TRPM7: variants seen among roughly 807,000 people sequenced by gnomAD.
The protein encoded by TRPM7 is LTRPC ion channel family member 7.
A neutral mutation model predicts 229.7 loss-of-function variants in TRPM7; 134 were observed. The observed-to-expected ratio is 0.58, with a 90% CI of 0.51 to 0.67. TRPM7 has a LOEUF of 0.67. Among genes scored for constraint, TRPM7 ranks in the 30% least tolerant of loss-of-function variants. The pLI, the probability that TRPM7 is intolerant of heterozygous loss-of-function variation, is 0.00. For synonymous variants in TRPM7, 699 were observed against 715.2 expected (o/e 0.98, Z 0.36); for missense variants, 1,901 against 2,210.0 (o/e 0.86, Z 2.80).
Position 50,575,080 on chromosome 15 carries a change from G to A in TRPM7, c.4791C>T (p.Asn1597=), listed in dbSNP as rs200648262. Reference sequence around the variant, plus strand: ...CTAGTTGTGACCAAGAAGACATGCTGTTATTTAGTATGTTGGGTGAACTCT... The same window carrying A: ...CTAGTTGTGACCAAGAAGACATGCTATTATTTAGTATGTTGGGTGAACTCT... ...LEESSPNILN[N]SMSSWSQLGL... Residue 1597 remains asparagine, a synonymous_variant, in exon 34 of 39, where the codon AAC becomes AAT. Coordinates refer to ENST00000646667, the MANE Select transcript of TRPM7 (RefSeq NM_017672.6). The A allele has an allele frequency of 1.5e-5, 25 of 1,613,890 alleles. No individual in the cohort carries two copies. Among genetic ancestry groups the A allele is most frequent in the Admixed American group, 1.2e-4 (7 of 60,002 alleles).
chr15:50,676,301 A>C (rs1452931417), intron 1 of TRPM7, among the ~76,000 whole-genome samples: 1 of 152,216 alleles, frequency 6.6e-6, no homozygotes, highest in Non-Finnish European at 1.5e-5. Context: ...TGTGGAAATC[A>C]AATTTTTTTT....
chr15:50,586,633 G>T, intron 27 of TRPM7, 145 bp from the exon 28 acceptor site: 1 of 488,166 alleles, frequency 2.0e-6, no homozygotes. Context: ...TATAGATTAT[G>T]GTTATTTTCT....
At position 50,648,794 on chromosome 15, in the gene TRPM7, T is replaced by TAA; in HGVS notation, c.212_213dup (p.Asn72LeufsTer5). 1 of 1,613,434 alleles carries TAA rather than the reference T, an allele frequency of 6.2e-7. No individual in the cohort carries two copies. The highest frequency in any genetic ancestry group is 8.5e-7 in the Non-Finnish European group (1 of 1,179,604). ...ACAGACCATTCTTCTATTGCCTGAT[T>TAA]AAAATGGTCACCCAATTTCACATCT... On this transcript the variant is annotated frameshift_variant, in exon 4 of 39. Transcript: ENST00000646667. LOFTEE classifies it high-confidence loss of function.
chr15:50,570,201 T>C (rs1566936284), intron 36 of TRPM7, 46 bp from the exon 37 acceptor site: 3 of 1,333,520 alleles, frequency 2.2e-6, no homozygotes, highest in South Asian at 2.7e-5. Context: ...TATTATATAA[T>C]TGACATAAAT....
chr15:50,607,105 C>G lies in TRPM7; in HGVS notation c.2709+95G>C, dbSNP rs139124566. 439 of 1,103,476 alleles carry G rather than the reference C, an allele frequency of 4.0e-4. 1 individual carries two copies. The East Asian group carries it at 0.01, about 26-fold the overall frequency. The allele number at this position is 1,103,476 out of a possible 1,614,324, so 68.4% of individuals were successfully genotyped here. On this transcript the variant is annotated intron_variant, in intron 20 of 38. Transcript: ENST00000646667. Reference sequence around the variant, plus strand: ...CACTTCTACAATGTCATCATACACACACACACCCCCCTACGTATACACCCA... The same window carrying G: ...CACTTCTACAATGTCATCATACACAGACACACCCCCCTACGTATACACCCA...
At chr15:50,561,836 A>G (rs1432838963) in intron 38 of TRPM7, 28 bp from the exon 39 acceptor site, 1 of 1,504,946 alleles carries the variant, frequency 6.6e-7, no homozygotes, top group Non-Finnish European at 8.9e-7. Context: ...AACAATTAAA[A>G]AAAAAAAAGA....
At chr15:50,589,043 C>T (rs1024660170) in intron 27 of TRPM7, among the ~76,000 whole-genome samples, 3 of 151,992 alleles carry the variant, frequency 2.0e-5, no homozygotes, top group South Asian at 2.1e-4. Context: ...AAATGTAGGC[C>T]GGGCACAGTG....
chr15:50,625,580 CT>C (rs2060533269), intron 11 of TRPM7, among the ~76,000 whole-genome samples: 1 of 151,846 alleles, frequency 6.6e-6, no homozygotes, highest in Non-Finnish European at 1.5e-5. Context: ...CTGTACCTGC[CT>C]TTTTTCTTTT....
At chr15:50,676,841 G>A (rs1352871712) in intron 1 of TRPM7, among the ~76,000 whole-genome samples, 1 of 152,122 alleles carries the variant, frequency 6.6e-6, no homozygotes, top group East Asian at 1.9e-4. Context: ...TTCCGCAAGA[G>A]TTGAGAAAAG....
chr15:50,596,633 A>G (rs1258450024), intron 22 of TRPM7, among the ~76,000 whole-genome samples: 3 of 152,204 alleles, frequency 2.0e-5, no homozygotes, highest in African/African-American at 7.2e-5. Context: ...ATTCCAGAAA[A>G]GAAAGTATAT....
At chr15:50,568,197 TC>T (rs1165003583) in intron 38 of TRPM7, among the ~76,000 whole-genome samples, 1 of 144,204 alleles carries the variant, frequency 6.9e-6, no homozygotes. Flanking sequence ...AAAGTTAACA[TC>T]ATCTTAATGG....
At chr15:50,679,524 A>AT (rs1235793771) in intron 1 of TRPM7, among the ~76,000 whole-genome samples, 8 of 45,660 alleles carry the variant, frequency 1.8e-4, no homozygotes, top group African/African-American at 7.3e-4. Context: ...ATATATATAT[A>AT]TATATATATA....
rs754925024 is a variant in TRPM7, at chr15:50,591,913, A to C, written c.4322T>G (p.Val1441Gly). 3.9e-6 allele frequency: 6 copies of C among 1,546,324 alleles called. No individual in the cohort carries two copies. In the South Asian group the frequency reaches 6.4e-5, roughly 17 times the overall value. Residue 1441 changes from valine (V) to glycine (G), a missense_variant and splice_region_variant, in exon 26 of 39, where the codon GTA becomes GGA. Physicochemically the swap from Val to Gly is moderately radical, Grantham distance 109. This residue lies in a region of TRPM7 where 533 missense variants were observed against 497.1 expected (regional missense o/e 1.07). Coordinates refer to ENST00000646667, the MANE Select transcript of TRPM7 (RefSeq NM_017672.6). Reference sequence around the variant, plus strand: ...AAATACGAATTTGCCAAACTTACCTACAAATGCTCCAAATTCTGTATTATC... The same window carrying C: ...AAATACGAATTTGCCAAACTTACCTCCAAATGCTCCAAATTCTGTATTATC... ...EGDNTEFGAF[V>G]GHRDSMDLQR...
intron 17 of TRPM7, 134 bp from the exon 18 acceptor site, chr15:50,610,095 A>AG: frequency 1.6e-6 from 1 of 645,010 alleles, no homozygotes; most frequent in Non-Finnish European, 2.5e-6. Flanking sequence ...CTAGCAGTAG[A>AG]GGGAAAAAAA....
chr15:50,625,076 G>A (rs1307217763), intron 11 of TRPM7, among the ~76,000 whole-genome samples: 3 of 152,118 alleles, frequency 2.0e-5, no homozygotes, highest in Non-Finnish European at 4.4e-5. Context: ...CAACAGACTT[G>A]AAATCAAATA....
intron 30 of TRPM7, among the ~76,000 whole-genome samples, chr15:50,579,892 CCTT>C (rs1347020495): frequency 1.3e-5 from 2 of 152,134 alleles, no homozygotes; most frequent in Non-Finnish European, 2.9e-5. Context: ...CTCAAACAAT[CCTT>C]CTGCCTCAAG....
At chr15:50,618,366 C>T (rs560332730) in intron 13 of TRPM7, among the ~76,000 whole-genome samples, 8 of 151,896 alleles carry the variant, frequency 5.3e-5, no homozygotes, top group South Asian at 2.1e-4. Context: ...GTCAGGAGAT[C>T]GAGACCATCC....
intron 38 of TRPM7, among the ~76,000 whole-genome samples, chr15:50,566,068 AC>A (rs2053585100): frequency 6.6e-6 from 1 of 151,910 alleles, no homozygotes; most frequent in South Asian, 2.1e-4. Flanking sequence ...CAGGTGATCC[AC>A]CTGCCTCGGC....
intron 13 of TRPM7, among the ~76,000 whole-genome samples, chr15:50,616,989 T>G (rs2060238897): frequency 6.6e-6 from 1 of 151,970 alleles, no homozygotes; most frequent in Non-Finnish European, 1.5e-5. Flanking sequence ...TCAATAAAGC[T>G]ATAAAGAAAA....
Sources: allele counts gnomAD v4.1 joint callset (sites outside exome capture counted in the v4.1 genomes callset), GRCh38; gene constraint gnomAD v4.1.1; regional missense constraint gnomAD v4.1.1; transcripts MANE v1.5; gene names NCBI Gene and HGNC (gene_info 2026-07-23, HGNC 2026-07-21).